Variants in DLG5 observed in about 807,000 individuals in gnomAD.
DLG5 encodes the protein discs large MAGUK scaffold protein 5.
DLG5 carries 48 observed loss-of-function variants against 189.8 expected under a neutral mutation model. The observed-to-expected ratio is 0.25, with a 90% CI of 0.20 to 0.32. The LOEUF is 0.32. Among genes scored for constraint, DLG5 ranks in the 10% least tolerant of loss-of-function variants. The pLI, the probability that DLG5 is intolerant of heterozygous loss-of-function variation, is 1.00. For missense variants in DLG5, 2,160 were observed against 2,544.7 expected (o/e 0.85, Z 3.25); for synonymous variants, 1,016 against 1,054.1 (o/e 0.96, Z 0.70).
chr10:77,911,688 G>C (rs945013279), intron 1 of DLG5, among the ~76,000 whole-genome samples: 3 of 152,084 alleles, frequency 2.0e-5, no homozygotes, highest in Admixed American at 6.6e-5. Context: ...TAAAAATCCT[G>C]TTGGCAGGGA....
chr10:77,810,766 G>C (rs1841724437), intron 23 of DLG5, among the ~76,000 whole-genome samples: 2 of 152,190 alleles, frequency 1.3e-5, no homozygotes, highest in African/African-American at 4.8e-5. Context: ...TGCTGTGGGT[G>C]GCCAGAGCCC....
chr10:77,869,056 T>C (rs1844798194), intron 2 of DLG5, 73 bp downstream of exon 2: 1 of 1,302,268 alleles, frequency 7.7e-7, no homozygotes. Context: ...TCCTCTCCCA[T>C]GAACCCCAGC....
chr10:77,915,806 T>A (rs753385936), intron 1 of DLG5, among the ~76,000 whole-genome samples: 13 of 152,108 alleles, frequency 8.5e-5, no homozygotes, highest in Non-Finnish European at 1.3e-4. Flanking sequence ...GGAGGAAGTA[T>A]CCAAAGAGCA....
At chr10:77,919,641 GGACATCAAGTT>G (rs1387982133) in intron 1 of DLG5, among the ~76,000 whole-genome samples, 1 of 138,426 alleles carries the variant, frequency 7.2e-6, no homozygotes, top group African/African-American at 2.7e-5. Context: ...ATTCTTTTGA[GGACATCAAGTT>G]GACATTCAAA....
Position 77,834,043 on chromosome 10 carries a change from G to A in DLG5, c.1623-4C>T. The A allele has an allele frequency of 6.2e-7, 1 of 1,608,768 alleles. No individual in the cohort carries two copies. The highest frequency in any genetic ancestry group is 1.1e-5 in the South Asian group (1 of 90,992). On this transcript the variant is annotated splice_region_variant and splice_polypyrimidine_tract_variant and intron_variant, in intron 8 of 31. Coordinates refer to ENST00000372391, the MANE Select transcript of DLG5 (RefSeq NM_004747.4). The stretch of plus-strand genomic sequence containing the variant: ...CCTCAGGTTGTCACACAGTGTCCTG[G>A]TGGAAGGAGCAGAGGACAAGGTCAT...
At chr10:77,898,988 C>A (rs895031092) in intron 1 of DLG5, among the ~76,000 whole-genome samples, 3 of 152,186 alleles carry the variant, frequency 2.0e-5, no homozygotes, top group Non-Finnish European at 4.4e-5. Context: ...GGTAGCACCC[C>A]AGACCTGCCA....
the DLG5 span, among the ~76,000 whole-genome samples, chr10:77,935,103 G>A: frequency 7.2e-5 from 11 of 151,940 alleles, no homozygotes; most frequent in Non-Finnish European, 4.4e-5. Flanking sequence ...TGATCCGCCC[G>A]CCTCGGCGTC....
intron 1 of DLG5, among the ~76,000 whole-genome samples, chr10:77,892,422 T>C (rs1309086773): frequency 6.6e-6 from 1 of 152,206 alleles, no homozygotes; most frequent in East Asian, 1.9e-4. Flanking sequence ...ACTTTCATCA[T>C]AAAATTTTGG....
In DLG5 at chr10:77,807,895, T is replaced by A. The variant is rs1486420244; in HGVS notation, c.4697A>T (p.Glu1566Val). The stretch of plus-strand genomic sequence containing the variant: ...GACGCCATCCCTGGGCTTCAGCATC[T>A]CCACATAGACTTCCTCCACTGTCTT... ...RNKTVEEVYV[E>V]MLKPRDGVRL... The change falls in exon 25 of 32, where the codon GAG (glutamate) becomes GTG (valine). Residue 1566 changes from glutamate to valine, a missense_variant. This residue lies in a region of DLG5 where 574 missense variants were observed against 644.2 expected (regional missense o/e 0.89). Transcript: ENST00000372391. 4 of 1,614,204 alleles carry A rather than the reference T, an allele frequency of 2.5e-6. No individual in the cohort carries two copies. The Admixed American group carries it at 5.0e-5, about 20-fold the overall frequency.
intron 7 of DLG5, among the ~76,000 whole-genome samples, chr10:77,840,101 G>A (rs188374476): frequency 1.3e-5 from 2 of 152,320 alleles, no homozygotes; most frequent in African/African-American, 4.8e-5. Flanking sequence ...AGGCTGGCTG[G>A]GTGCAGGGGC....
chr10:77,823,600 A>G (rs1339037245), intron 14 of DLG5, among the ~76,000 whole-genome samples: 2 of 150,030 alleles, frequency 1.3e-5, no homozygotes, highest in Non-Finnish European at 2.9e-5. Flanking sequence ...GCGTGATCTC[A>G]GCTCACTGCA....
rs1844120013 is a variant in DLG5 at position 77,854,273 on chromosome 10, C to T, written c.634G>A (p.Ala212Thr). The T allele has an allele frequency of 6.2e-7, 1 of 1,614,188 alleles. No individual in the cohort carries two copies. The highest frequency in any genetic ancestry group is 1.3e-5 in the African/African-American group (1 of 75,066). ...LQSLQNQHTN[A>T]LKRCEEVAKE... The stretch of plus-strand genomic sequence containing the variant: ...GCCACCTCCTCACACCTCTTCAAGG[C>T]GTTGGTGTGCTGGTTCTGCAGGCTC... The change falls in exon 4 of 32, where the codon GCC becomes ACC. Residue 212 changes from alanine (A) to threonine (T), a missense_variant. Around this residue, in one of 5 missense-constraint regions of DLG5, gnomAD observed 664 missense variants for 838.5 expected, o/e 0.79. Transcript: ENST00000372391.
At chr10:77,940,421 A>T in the DLG5 span, among the ~76,000 whole-genome samples, 1 of 152,118 alleles carries the variant, frequency 6.6e-6, no homozygotes, top group Non-Finnish European at 1.5e-5. Context: ...TAATTGTTTT[A>T]TGACTTGATT....
At chr10:77,815,819 T>C (rs549131753) in intron 20 of DLG5, among the ~76,000 whole-genome samples, 1 of 152,336 alleles carries the variant, frequency 6.6e-6, no homozygotes, top group African/African-American at 2.4e-5. Flanking sequence ...ATCTACAATC[T>C]AGACAGAAGC....
intron 5 of DLG5, 104 bp from the exon 6 acceptor site, chr10:77,843,810 G>T: frequency 6.7e-7 from 1 of 1,487,340 alleles, no homozygotes; most frequent in Non-Finnish European, 9.2e-7. Context: ...ATGACAAGGC[G>T]GTTGGGGGGA....
intron 15 of DLG5, 74 bp from the exon 16 acceptor site, chr10:77,820,092 TC>T: frequency 6.3e-7 from 1 of 1,584,910 alleles, no homozygotes; most frequent in Non-Finnish European, 8.5e-7. Context: ...ACACCTATAA[TC>T]CCAGCACTCT....
intron 7 of DLG5, 51 bp downstream of exon 7, chr10:77,841,830 C>T: frequency 1.9e-6 from 3 of 1,565,514 alleles, no homozygotes; most frequent in Non-Finnish European, 1.7e-6. Flanking sequence ...GCCCCTCTTC[C>T]CGGGATGCTG....
intron 2 of DLG5, 132 bp downstream of exon 2, chr10:77,868,997 A>G: frequency 1.4e-6 from 1 of 736,358 alleles, no homozygotes; most frequent in Non-Finnish European, 2.3e-6. Flanking sequence ...TGTAAATGAA[A>G]TCAACGGAAG....
rs1217464744 is a variant in DLG5, at chr10:77,824,376, G to A, written c.2382+8C>T. 2 of 1,605,094 alleles carry A rather than the reference G, an allele frequency of 1.2e-6. No individual in the cohort carries two copies. Among genetic ancestry groups the A allele is most frequent in the Admixed American group, 1.7e-5 (1 of 59,980 alleles). On this transcript the variant is annotated splice_region_variant and intron_variant, in intron 14 of 31. Transcript: ENST00000372391. ...GACCGTGAGAGCAGAGCCAGGTCCAGCCCTTACCTTCAGGAGGGACAGGGT... is the reference window on the plus strand; with the variant it reads ...GACCGTGAGAGCAGAGCCAGGTCCAACCCTTACCTTCAGGAGGGACAGGGT...
Sources: allele counts gnomAD v4.1 joint callset (sites outside exome capture counted in the v4.1 genomes callset), GRCh38; gene constraint gnomAD v4.1.1; regional missense constraint gnomAD v4.1.1; transcripts MANE v1.5; gene names NCBI Gene and HGNC (gene_info 2026-07-23, HGNC 2026-07-21).